Variants in OTUD7A observed in about 807,000 individuals in gnomAD.
OTUD7A encodes OTU deubiquitinase 7A.
OTUD7A carries 12 observed loss-of-function variants against 65.7 expected under a neutral mutation model. That is an observed-to-expected ratio of 0.18 (90% CI 0.12 to 0.30). The LOEUF (loss-of-function observed/expected upper bound fraction) is 0.30. Among genes scored for constraint, OTUD7A ranks in the 10% least tolerant of loss-of-function variants. The pLI is 1.00. For missense variants in OTUD7A, 1,148 were observed against 1,304.8 expected (o/e 0.88, Z 1.85); for synonymous variants, 641 against 586.3 (o/e 1.09, Z -1.35).
rs1441268351 is a variant in OTUD7A at position 31,849,036 on chromosome 15, G to GC, written c.-100+21470dup. ...TTGAAATTAAGAATGCTGAATATTG[G>GC]CCCCCACTCTCTTCTGGCTTGTAGA... On this transcript the variant is annotated intron_variant, in intron 1 of 12. Coordinates refer to ENST00000307050, the MANE Select transcript of OTUD7A (RefSeq NM_001382637.1). 5.3e-5 allele frequency among the ~76,000 whole-genome samples: 8 copies of GC among 152,268 alleles called. No individual in the cohort carries two copies. In the East Asian group the frequency reaches 1.5e-3, roughly 29 times the overall value.
At chr15:31,559,964 C>T (rs1325480511) in intron 4 of OTUD7A, among the ~76,000 whole-genome samples, 1 of 152,312 alleles carries the variant, frequency 6.6e-6, no homozygotes. Context: ...GGCACTTATT[C>T]ACAAGAGTCA....
Position 31,501,780 on chromosome 15 carries a change from A to T in OTUD7A, c.1081T>A (p.Cys361Ser). 6.2e-7 allele frequency: 1 copy of T among 1,614,166 alleles called. No homozygotes were observed. Among genetic ancestry groups the T allele is most frequent in the Non-Finnish European group, 8.5e-7 (1 of 1,180,002 alleles). The change falls in exon 10 of 13, where the codon TGC becomes AGC. Residue 361 changes from cysteine (C) to serine (S), a missense_variant. Cys to Ser is a moderately radical substitution (Grantham distance 112, BLOSUM62 -1). This residue lies in a region of OTUD7A where 58 missense variants were observed against 131.4 expected (regional missense o/e 0.44). Transcript: ENST00000307050. ...GCCAGAACCAGAGGCGAGCAGTGGC[A>T]TCTGTTGGGAGGGACCTCCAAGGGC... ...YLPLEVPPNR[C>S]HCSPLVLAYD...
intron 1 of OTUD7A, among the ~76,000 whole-genome samples, chr15:31,781,400 C>T (rs1446675052): frequency 6.6e-6 from 1 of 152,154 alleles, no homozygotes; most frequent in Non-Finnish European, 1.5e-5. Flanking sequence ...GAGCCCAGCC[C>T]CAGTCTTCAA....
At chr15:31,750,383 G>T (rs927825400) in intron 1 of OTUD7A, among the ~76,000 whole-genome samples, 1 of 107,930 alleles carries the variant, frequency 9.3e-6, no homozygotes, top group Admixed American at 1.4e-4. Flanking sequence ...TTTCTAGCCC[G>T]GGCAACAGAG....
chr15:31,634,472 C>T (rs1210654085), intron 3 of OTUD7A, among the ~76,000 whole-genome samples: 1 of 152,224 alleles, frequency 6.6e-6, no homozygotes, highest in African/African-American at 2.4e-5. Context: ...TCCCTGCCAG[C>T]AAGCCACAGC....
At chr15:31,745,122 A>G (rs1465308113) in intron 1 of OTUD7A, among the ~76,000 whole-genome samples, 1 of 152,166 alleles carries the variant, frequency 6.6e-6, no homozygotes, top group Non-Finnish European at 1.5e-5. Flanking sequence ...CAGTTCTCCC[A>G]AAATTAATCT....
intron 1 of OTUD7A, among the ~76,000 whole-genome samples, chr15:31,862,250 T>C (rs1897761388): frequency 6.6e-6 from 1 of 152,232 alleles, no homozygotes; most frequent in Non-Finnish European, 1.5e-5. Context: ...CGTTCTGTAA[T>C]GATCCTGCCC....
intron 1 of OTUD7A, among the ~76,000 whole-genome samples, chr15:31,696,433 GGCCCATC>G (rs1190789762): frequency 5.2e-4 from 62 of 118,576 alleles, no homozygotes; most frequent in African/African-American, 1.8e-3. Flanking sequence ...GCAGAATCTG[GGCCCATC>G]GCCTTCTCAC....
chr15:31,726,292 T>C (rs1893881728), intron 1 of OTUD7A, among the ~76,000 whole-genome samples: 1 of 152,054 alleles, frequency 6.6e-6, no homozygotes, highest in South Asian at 2.1e-4. Flanking sequence ...CTCTGGACTC[T>C]TGAAACTGAA....
chr15:31,620,360 AC>A (rs1890740271), intron 3 of OTUD7A, among the ~76,000 whole-genome samples: 1 of 151,860 alleles, frequency 6.6e-6, no homozygotes, highest in Non-Finnish European at 1.5e-5. Context: ...TCCTCCTTTT[AC>A]CTCTGGTAGA....
In OTUD7A at chr15:31,478,735, C is replaced by CT. The variant is rs2041065121; in HGVS notation, c.*4558dup. 1 of 152,234 alleles carries CT rather than the reference C, an allele frequency of 6.6e-6. No individual in the cohort carries two copies. Among genetic ancestry groups the CT allele is most frequent in the Non-Finnish European group, 1.5e-5 (1 of 68,080 alleles). The allele number at this position is 152,234 out of a possible 1,614,324, so 9.4% of individuals were successfully genotyped here. ...TTTGGCAAAGAAGGGACCTGCATAA[C>CT]TGCTAACAGGCCAATTTGCACAGTG... On this transcript the variant is annotated 3_prime_UTR_variant, in exon 13 of 13. Coordinates refer to ENST00000307050, the MANE Select transcript of OTUD7A (RefSeq NM_001382637.1).
At chr15:31,725,853 A>G (rs1893868416) in intron 1 of OTUD7A, among the ~76,000 whole-genome samples, 1 of 152,160 alleles carries the variant, frequency 6.6e-6, no homozygotes, top group Non-Finnish European at 1.5e-5. Context: ...GCATGTAGCA[A>G]GCCCTGACTT....
intron 1 of OTUD7A, among the ~76,000 whole-genome samples, chr15:31,753,977 C>T (rs1375553751): frequency 6.6e-6 from 1 of 151,854 alleles, no homozygotes; most frequent in African/African-American, 2.4e-5. Flanking sequence ...TTTACATTCC[C>T]ACCAGCAGTG....
intron 3 of OTUD7A, among the ~76,000 whole-genome samples, chr15:31,592,836 T>A (rs1272594576): frequency 8.2e-6 from 1 of 122,436 alleles, no homozygotes; most frequent in African/African-American, 3.2e-5. Flanking sequence ...GCCGAGATCG[T>A]GCCCCTGCGC....
rs1386467716 is a variant in OTUD7A, at chr15:31,483,970, C to T, written c.2126G>A (p.Gly709Asp). The T allele has an allele frequency of 1.1e-5, 13 of 1,140,782 alleles. No homozygotes were observed. The highest frequency in any genetic ancestry group is 3.3e-5 in the African/African-American group (2 of 59,914). 70.7% of individuals were successfully genotyped at this position (1,140,782 alleles called of 1,614,324 possible). A position where few individuals can be genotyped will look rare whatever the true frequency, so the allele number is the denominator to read the frequency against. Residue 709 changes from glycine to aspartate, a missense_variant, in exon 13 of 13, where the codon GGC (glycine) becomes GAC (aspartate). By Grantham distance (94) the Gly-to-Asp change is moderately conservative. Transcript: ENST00000307050. ...KRPPRRPETE[G>D]VPVPERASPG... is the part of the protein sequence containing the mutation. ...AGAGGCGCGCTCCGGGACCGGCACG[C>T]CCTCCGTCTCCGGTCTGCGCGGCGG...
intron 12 of OTUD7A, among the ~76,000 whole-genome samples, chr15:31,485,117 G>T (rs1021533987): frequency 6.6e-6 from 1 of 152,134 alleles, no homozygotes; most frequent in African/African-American, 2.4e-5. Flanking sequence ...ATTTAGAACG[G>T]TCAGGTTCAG....
intron 1 of OTUD7A, among the ~76,000 whole-genome samples, chr15:31,828,172 A>C (rs1896844180): frequency 6.6e-6 from 1 of 152,136 alleles, no homozygotes; most frequent in Admixed American, 6.5e-5. Context: ...CTATGCTTAA[A>C]TTCTGCTTTA....
chr15:31,601,612 G>C (rs890498186), intron 3 of OTUD7A, among the ~76,000 whole-genome samples: 1 of 152,026 alleles, frequency 6.6e-6, no homozygotes, highest in Non-Finnish European at 1.5e-5. Flanking sequence ...TAAGATCAGA[G>C]CAGAACTGAA....
intron 1 of OTUD7A, among the ~76,000 whole-genome samples, chr15:31,807,402 C>T (rs1025291233): frequency 2.6e-5 from 4 of 152,182 alleles, no homozygotes; most frequent in South Asian, 4.1e-4. Flanking sequence ...AGTTGATGAA[C>T]GTGATCAATG....
Sources: gnomAD v4.1 joint callset for allele counts (sites outside exome capture counted in the v4.1 genomes callset) on GRCh38, gnomAD v4.1.1 for gene constraint, gnomAD v4.1.1 regional missense constraint, MANE v1.5 for transcripts, NCBI Gene and HGNC (gene_info 2026-07-23, HGNC 2026-07-21) for gene names.